Variants in CCDC186 observed in about 807,000 individuals in gnomAD.
CCDC186 encodes the protein coiled-coil domain-containing protein 186.
A neutral mutation model predicts 113.7 loss-of-function variants in CCDC186; 49 were observed. That is an observed-to-expected ratio of 0.43 (90% CI 0.34 to 0.55). The LOEUF (loss-of-function observed/expected upper bound fraction) is 0.55, where lower values mean the gene tolerates loss of function less well. CCDC186 is among the 20% of genes least tolerant of loss of function. The pLI is 0.02. For missense variants in CCDC186, 890 were observed against 1,011.1 expected, an observed-to-expected ratio of 0.88 and a Z score of 1.62; for synonymous variants, 355 against 345.8, an observed-to-expected ratio of 1.03 and a Z score of -0.30.
chr10:114,131,108 C>A (rs2031071155), intron 12 of CCDC186, 39 bp downstream of exon 12: 2 of 1,353,738 alleles, frequency 1.5e-6, no homozygotes, highest in South Asian at 2.0e-5. Flanking sequence ...TTAAAAGAAA[C>A]AAACACATTC....
chr10:114,136,112 T>C (rs780452330), intron 8 of CCDC186, 36 bp downstream of exon 8: 4 of 1,563,256 alleles, frequency 2.6e-6, no homozygotes, highest in Admixed American at 1.7e-5. Flanking sequence ...GTATTTATTA[T>C]GCAACTTAGG....
chr10:114,166,800 G>A (rs1028646380), intron 1 of CCDC186, among the ~76,000 whole-genome samples: 4 of 152,098 alleles, frequency 2.6e-5, no homozygotes, highest in African/African-American at 9.7e-5. Context: ...CAACAAAAAC[G>A]TGTCATCCTG....
chr10:114,164,370 G>A (rs900368914), intron 1 of CCDC186, among the ~76,000 whole-genome samples: 2 of 151,862 alleles, frequency 1.3e-5, no homozygotes, highest in Non-Finnish European at 2.9e-5. Flanking sequence ...TGATCCACCT[G>A]CCTTGGCCTC....
intron 1 of CCDC186, chr10:114,168,388 T>C (rs2119819539): frequency 6.6e-6 from 1 of 152,338 alleles, no homozygotes; most frequent in East Asian, 1.9e-4. Flanking sequence ...ATGAAAACAC[T>C]GTCTTCTGGT....
intron 4 of CCDC186, among the ~76,000 whole-genome samples, chr10:114,149,602 G>A (rs944931152): frequency 6.7e-4 from 23 of 34,266 alleles, no homozygotes; most frequent in Admixed American, 3.1e-3. Context: ...GGGAAGGGAA[G>A]GGAAGGGAAG....
rs573526657 is a variant in CCDC186, at chr10:114,161,160, A to T, written c.632+1477T>A. ...TTCCTCATATTTTTAGGTAAATTTA[A>T]CACCTTGTAACTGGTTCATTTCTAA... On this transcript the variant is annotated intron_variant, in intron 2 of 15. Coordinates refer to ENST00000369287, the MANE Select transcript of CCDC186 (RefSeq NM_018017.4). Among the ~76,000 whole-genome samples, 4 of 152,348 alleles carry T rather than the reference A, an allele frequency of 2.6e-5. No homozygotes were observed. In the South Asian group the frequency reaches 8.3e-4, roughly 32 times the overall value.
chr10:114,129,838 T>C lies in CCDC186; in HGVS notation c.2182+53A>G, dbSNP rs1032650282. The stretch of plus-strand genomic sequence containing the variant: ...AGCCATCACACCTGGCCAAAAATGC[T>C]ATTTATTTTTATATCAATCATGAAA... On this transcript the variant is annotated intron_variant, in intron 13 of 15. Transcript: ENST00000369287. 7 of 1,548,202 alleles carry C rather than the reference T, an allele frequency of 4.5e-6. No homozygotes were observed. In the East Asian group the frequency reaches 6.8e-5, roughly 15 times the overall value.
intron 5 of CCDC186, among the ~76,000 whole-genome samples, chr10:114,145,277 AAAAG>A (rs2031598788): frequency 6.6e-6 from 1 of 152,192 alleles, no homozygotes; most frequent in African/African-American, 2.4e-5. Context: ...TACAGATTTT[AAAAG>A]AAAGTTTTTA....
intron 4 of CCDC186, 41 bp downstream of exon 4, chr10:114,151,051 C>T (rs747296164): frequency 1.9e-6 from 3 of 1,602,610 alleles, no homozygotes; most frequent in Non-Finnish European, 2.6e-6. Flanking sequence ...ACAAGAGTCA[C>T]CAGAATATCA....
chr10:114,159,075 T>C (rs1025982747), intron 2 of CCDC186, among the ~76,000 whole-genome samples: 1 of 152,230 alleles, frequency 6.6e-6, no homozygotes, highest in Non-Finnish European at 1.5e-5. Flanking sequence ...ATAAGTAGTC[T>C]AGATAGGCCT....
chr10:114,166,201 C>T (rs2032331919), intron 1 of CCDC186, among the ~76,000 whole-genome samples: 2 of 152,134 alleles, frequency 1.3e-5, no homozygotes, highest in African/African-American at 2.4e-5. Flanking sequence ...ACCAGTTGTA[C>T]TACTTTTCCA....
Position 114,123,422 on chromosome 10 carries a change from A to G in CCDC186, c.*1721T>C, listed in dbSNP as rs2030791354. 6.6e-6 allele frequency: 1 copy of G among 152,208 alleles called. No homozygotes were observed. Among genetic ancestry groups the G allele is most frequent in the African/African-American group, 2.4e-5 (1 of 41,462 alleles). The allele number at this position is 152,208 out of a possible 1,614,324, so 9.4% of individuals were successfully genotyped here. ...TCTAATCCTTAGTAAATTATTTTTA[A>G]ACGATGTTGATTAAAAAATGTTAAA... is the stretch of plus-strand genomic sequence containing the variant. On this transcript the variant is annotated 3_prime_UTR_variant, in exon 16 of 16. Coordinates refer to ENST00000369287, the MANE Select transcript of CCDC186 (RefSeq NM_018017.4).
At position 114,123,646 on chromosome 10, in the gene CCDC186, T is replaced by C. The variant is rs2030798109; in HGVS notation, c.*1497A>G. ...TATTATAGTAATGATCTGAAGATAA[T>C]GAATTATGAAAAATCATGCTCAGAA... On this transcript the variant is annotated 3_prime_UTR_variant, in exon 16 of 16. Transcript: ENST00000369287. The C allele has an allele frequency of 6.6e-6, 1 of 152,158 alleles. No individual in the cohort carries two copies. The allele number at this position is 152,158 out of a possible 1,614,324, so 9.4% of individuals were successfully genotyped here. A position where few individuals can be genotyped will look rare whatever the true frequency, so the allele number is the denominator to read the frequency against.
At chr10:114,157,742 G>T in intron 2 of CCDC186, 62 bp from the exon 3 acceptor site, 1 of 1,299,414 alleles carries the variant, frequency 7.7e-7, no homozygotes. Flanking sequence ...AATAATATGT[G>T]GAATATAATT....
At chr10:114,136,276 C>A in intron 7 of CCDC186, 30 bp from the exon 8 acceptor site, 1 of 1,522,732 alleles carries the variant, frequency 6.6e-7, no homozygotes. Context: ...AAAAGTGTGA[C>A]AATTTTTAAC....
At chr10:114,155,624 G>A (rs539186917) in intron 3 of CCDC186, among the ~76,000 whole-genome samples, 5 of 152,152 alleles carry the variant, frequency 3.3e-5, no homozygotes, top group East Asian at 3.9e-4. Context: ...GCTATGAGCC[G>A]AGATCGCGCC....
intron 1 of CCDC186, chr10:114,173,064 C>A: frequency 2.7e-6 from 1 of 364,896 alleles, no homozygotes; most frequent in South Asian, 2.0e-5. Flanking sequence ...AGACAACACC[C>A]GGCCTATCGT....
Position 114,138,106 on chromosome 10 carries a change from G to C in CCDC186, c.1222-816C>G, listed in dbSNP as rs566001617. 3.1e-5 allele frequency among the ~76,000 whole-genome samples: 4 copies of C among 128,324 alleles called. No individual in the cohort carries two copies. In the East Asian group the frequency reaches 9.9e-4, roughly 32 times the overall value. 84.2% of individuals were successfully genotyped at this position (128,324 alleles called of 152,430 possible). ...AATACACAAATTAGCCAGGCATGGTGGTGGGCACCTGTAATCCCAGCTACT... is the reference window on the plus strand; with the variant it reads ...AATACACAAATTAGCCAGGCATGGTCGTGGGCACCTGTAATCCCAGCTACT... On this transcript the variant is annotated intron_variant, in intron 6 of 15. Coordinates refer to ENST00000369287, the MANE Select transcript of CCDC186 (RefSeq NM_018017.4).
chr10:114,149,258 T>A (rs1015469634), intron 4 of CCDC186, among the ~76,000 whole-genome samples: 40 of 152,132 alleles, frequency 2.6e-4, no homozygotes, highest in African/African-American at 8.0e-4. Context: ...ATCTACACTC[T>A]TCATCATTAA....
Sources: allele counts gnomAD v4.1 joint callset (sites outside exome capture counted in the v4.1 genomes callset), GRCh38; gene constraint gnomAD v4.1.1; transcripts MANE v1.5; gene names NCBI Gene and HGNC (gene_info 2026-07-23, HGNC 2026-07-21).